The following CD44 variants were observed in gnomAD, a reference collection of about 807,000 sequenced individuals.
The protein encoded by CD44 is CD44 molecule (IN blood group).
CD44 carries 49 observed loss-of-function variants against 88.8 expected under a neutral mutation model. The observed-to-expected ratio is 0.55, with a 90% CI of 0.44 to 0.70. CD44 has a LOEUF of 0.70. Ranked by LOEUF, CD44 falls within the 30% of genes least tolerant of loss-of-function variation. The probability of loss-of-function intolerance (pLI) is 0.00; values close to 1 mark genes in which losing one functional copy is unlikely to be tolerated. For missense variants in CD44, 883 were observed against 913.8 expected, an observed-to-expected ratio of 0.97 and a Z score of 0.43; for synonymous variants, 325 against 312.3, an observed-to-expected ratio of 1.04 and a Z score of -0.43.
chr11:35,189,445 G>A (rs1047718655), intron 4 of CD44, among the ~76,000 whole-genome samples: 11 of 152,200 alleles, frequency 7.2e-5, no homozygotes, highest in Non-Finnish European at 1.2e-4. Context: ...GGAGAGTAGG[G>A]AAACAAGTGG....
intron 1 of CD44, among the ~76,000 whole-genome samples, chr11:35,173,308 A>C (rs1190560604): frequency 6.6e-6 from 1 of 152,204 alleles, no homozygotes; most frequent in African/African-American, 2.4e-5. Flanking sequence ...GGACAAGGAG[A>C]GGCCCCGGAA....
intron 1 of CD44, among the ~76,000 whole-genome samples, chr11:35,166,087 A>C (rs541908793): frequency 2.6e-5 from 4 of 152,232 alleles, no homozygotes; most frequent in African/African-American, 9.6e-5. Context: ...TTCTACTTGC[A>C]AGAGGAAAAA....
intron 12 of CD44, among the ~76,000 whole-genome samples, chr11:35,209,624 TC>T (rs1948211553): frequency 6.6e-6 from 1 of 152,186 alleles, no homozygotes; most frequent in Non-Finnish European, 1.5e-5. Flanking sequence ...TATTCTTTTT[TC>T]CATGTCTCTG....
intron 3 of CD44, among the ~76,000 whole-genome samples, chr11:35,181,274 A>G (rs553745457): frequency 1.1e-4 from 16 of 152,266 alleles, no homozygotes; most frequent in African/African-American, 3.4e-4. Flanking sequence ...CTAAGTTAAG[A>G]TGTAGATGCT....
chr11:35,169,489 T>C (rs1450864045), intron 1 of CD44, among the ~76,000 whole-genome samples: 1 of 151,998 alleles, frequency 6.6e-6, no homozygotes, highest in Non-Finnish European at 1.5e-5. Context: ...CATGGATGTA[T>C]TGACCAGCTC....
intron 4 of CD44, among the ~76,000 whole-genome samples, chr11:35,188,547 A>T (rs1945931362): frequency 6.6e-6 from 1 of 152,168 alleles, no homozygotes. Context: ...GACATGTAAG[A>T]GTGTGGTCAA....
At chr11:35,155,274 G>A (rs1215020288) in intron 1 of CD44, among the ~76,000 whole-genome samples, 1 of 152,138 alleles carries the variant, frequency 6.6e-6, no homozygotes, top group Non-Finnish European at 1.5e-5. Context: ...CACAAATTCA[G>A]GGTTTCTGAA....
At position 35,187,932 on chromosome 11, in the gene CD44, T is replaced by C. The variant is rs549178283; in HGVS notation, c.436+1032T>C. 1.4e-4 allele frequency among the ~76,000 whole-genome samples: 22 copies of C among 152,350 alleles called. No individual in the cohort carries two copies. The South Asian group carries it at 1.9e-3, about 13-fold the overall frequency. ...GTTGTCCAGGCTGGTCTTGAACTCC[T>C]GGGCTCAAGCAATCCTCCTTCCTCA... On this transcript the variant is annotated intron_variant, in intron 4 of 17. Transcript: ENST00000428726.
At chr11:35,139,394 C>A (rs537503753) in intron 1 of CD44, 24 bp downstream of exon 1, 2 of 1,552,754 alleles carry the variant, frequency 1.3e-6, no homozygotes, top group East Asian at 2.4e-5. Flanking sequence ...GCAGCCTGGG[C>A]AGCAAGATGG....
chr11:35,154,599 A>T (rs1590928216), intron 1 of CD44, among the ~76,000 whole-genome samples: 2 of 152,348 alleles, frequency 1.3e-5, no homozygotes, highest in South Asian at 4.1e-4. Context: ...AAATGAGAAT[A>T]AAGTTTATTC....
chr11:35,203,365 G>T (rs1461672360), intron 9 of CD44, among the ~76,000 whole-genome samples: 1 of 152,120 alleles, frequency 6.6e-6, no homozygotes, highest in Non-Finnish European at 1.5e-5. Flanking sequence ...TAAACTTTGA[G>T]TAACATAGCA....
chr11:35,206,918 C>T (rs932593882), intron 11 of CD44, among the ~76,000 whole-genome samples: 1 of 152,154 alleles, frequency 6.6e-6, no homozygotes, highest in African/African-American at 2.4e-5. Context: ...CAAAGATCTT[C>T]AGAATCAATA....
chr11:35,177,562 AAT>A (rs1302009582), intron 2 of CD44, among the ~76,000 whole-genome samples: 1 of 152,230 alleles, frequency 6.6e-6, no homozygotes, highest in Non-Finnish European at 1.5e-5. Context: ...GTCTTTAGGT[AAT>A]ATGATTCCCC....
chr11:35,229,304 C>G lies in CD44; in HGVS notation c.2200C>G (p.Gln734Glu). The change falls in exon 18 of 18, where the codon CAG becomes GAG. Residue 734 changes from glutamine (Q) to glutamate (E), a missense_variant. Physicochemically the swap from Gln to Glu is conservative, Grantham distance 29. This residue lies in a region of CD44 where 631 missense variants were observed against 590.9 expected (regional missense o/e 1.07). Coordinates refer to ENST00000428726, the MANE Select transcript of CD44 (RefSeq NM_000610.4). ...FMTADETRNL[Q>E]NVDMKIGV is the part of the protein sequence containing the mutation. ...GACAGCTGATGAGACAAGGAACCTG[C>G]AGAATGTGGACATGAAGATTGGGGT... 6.2e-7 allele frequency: 1 copy of G among 1,613,146 alleles called. No individual in the cohort carries two copies. The highest frequency in any genetic ancestry group is 8.5e-7 in the Non-Finnish European group (1 of 1,179,224).
chr11:35,193,992 A>G (rs925173978), intron 5 of CD44, among the ~76,000 whole-genome samples: 7 of 152,214 alleles, frequency 4.6e-5, no homozygotes, highest in Non-Finnish European at 1.0e-4. Context: ...CCTGGGTACA[A>G]TGCTAGACAG....
intron 1 of CD44, among the ~76,000 whole-genome samples, chr11:35,144,683 C>T (rs1157364791): frequency 2.6e-5 from 4 of 152,114 alleles, no homozygotes; most frequent in Admixed American, 6.5e-5. Context: ...AGTCATTGTG[C>T]GTTCCAGATT....
intron 12 of CD44, among the ~76,000 whole-genome samples, chr11:35,209,176 T>G (rs1039059227): frequency 3.3e-5 from 5 of 151,006 alleles, no homozygotes; most frequent in Non-Finnish European, 5.9e-5. Flanking sequence ...CTTTATGAAG[T>G]TTTTGCACCT....
chr11:35,210,978 C>A (rs572875432), intron 13 of CD44, among the ~76,000 whole-genome samples: 1 of 152,114 alleles, frequency 6.6e-6, no homozygotes, highest in African/African-American at 2.4e-5. Context: ...AGTGACATAG[C>A]CTTACCTAAT....
At chr11:35,174,578 G>T (rs1944248396) in intron 1 of CD44, among the ~76,000 whole-genome samples, 1 of 152,178 alleles carries the variant, frequency 6.6e-6, no homozygotes, top group African/African-American at 2.4e-5. Context: ...TTTTGAGATT[G>T]TTACACAGGA....
Sources: gnomAD v4.1 joint callset for allele counts (sites outside exome capture counted in the v4.1 genomes callset) on GRCh38, gnomAD v4.1.1 for gene constraint, gnomAD v4.1.1 regional missense constraint, MANE v1.5 for transcripts, NCBI Gene and HGNC (gene_info 2026-07-23, HGNC 2026-07-21) for gene names.